The following NTN1 variants were observed in gnomAD, a reference collection of about 807,000 sequenced individuals.
The protein encoded by NTN1 is netrin 1.
A neutral mutation model predicts 54.2 loss-of-function variants in NTN1; 11 were observed. The ratio of observed to expected loss-of-function variants is 0.20; its 90% confidence interval spans 0.13 to 0.34. The LOEUF (loss-of-function observed/expected upper bound fraction) is 0.34, where lower values mean the gene tolerates loss of function less well. Among genes scored for constraint, NTN1 ranks in the 10% least tolerant of loss-of-function variants. The pLI, the probability that NTN1 is intolerant of heterozygous loss-of-function variation, is 1.00. For missense variants in NTN1, 740 were observed against 893.1 expected, an observed-to-expected ratio of 0.83 and a Z score of 2.18; for synonymous variants, 371 against 382.0, an observed-to-expected ratio of 0.97 and a Z score of 0.33.
At chr17:9,190,650 G>A (rs138111196) in intron 5 of NTN1, among the ~76,000 whole-genome samples, 3 of 151,920 alleles carry the variant, frequency 2.0e-5, no homozygotes, top group African/African-American at 4.8e-5. Flanking sequence ...CCAGGACTTC[G>A]AGACCAGCCT....
intron 2 of NTN1, among the ~76,000 whole-genome samples, chr17:9,024,368 G>A (rs1486910935): frequency 6.6e-6 from 1 of 152,250 alleles, no homozygotes; most frequent in African/African-American, 2.4e-5. Context: ...GGGAAGTAAA[G>A]CTCCAAAGCC....
chr17:9,157,309 TAGCCTGTAGCACAG>T (rs201679290), intron 2 of NTN1, among the ~76,000 whole-genome samples: 7,596 of 152,346 alleles, frequency 0.05, 254 homozygotes, highest in Middle Eastern at 0.075. Context: ...GTATCTCACA[TAGCCTGTAGCACAG>T]AGCTGGGAAC....
chr17:9,173,353 C>T (rs1424738901), intron 3 of NTN1: 2 of 152,274 alleles, frequency 1.3e-5, no homozygotes, highest in African/African-American at 4.8e-5. Context: ...TCTCCAGTGT[C>T]ACCTCTAGTG....
chr17:9,081,973 A>G (rs1415764930), intron 2 of NTN1, among the ~76,000 whole-genome samples: 1 of 152,128 alleles, frequency 6.6e-6, no homozygotes, highest in African/African-American at 2.4e-5. Flanking sequence ...TCTTGCACAA[A>G]CCTTGTCTCC....
intron 2 of NTN1, among the ~76,000 whole-genome samples, chr17:9,044,932 G>C (rs1321457251): frequency 6.6e-6 from 1 of 152,128 alleles, no homozygotes; most frequent in Non-Finnish European, 1.5e-5. Context: ...TATACACAAA[G>C]CTAGGTTAAT....
At chr17:9,193,920 T>TAAAAAAAAAAAAAAAAAAA (rs71361871) in intron 5 of NTN1, among the ~76,000 whole-genome samples, 11 of 44,898 alleles carry the variant, frequency 2.4e-4, no homozygotes, top group East Asian at 5.8e-4. Context: ...AAACTCCGAC[T>TAAAAAAAAAAAAAAAAAAA]AAAAAAAAAA....
intron 1 of NTN1, 133 bp from the exon 2 acceptor site, chr17:9,022,176 GGA>G: frequency 1.8e-6 from 1 of 549,250 alleles, no homozygotes; most frequent in Non-Finnish European, 2.7e-6. Flanking sequence ...GGACTTTGGG[GGA>G]GAGAGGCGGG....
At chr17:9,093,323 C>CA (rs1252453914) in intron 2 of NTN1, among the ~76,000 whole-genome samples, 2 of 152,160 alleles carry the variant, frequency 1.3e-5, no homozygotes, top group African/African-American at 4.8e-5. Context: ...GCTTAAGTAA[C>CA]AAATAACTTA....
chr17:9,160,610 T>C (rs999537098), intron 2 of NTN1, among the ~76,000 whole-genome samples: 5 of 151,948 alleles, frequency 3.3e-5, no homozygotes, highest in Admixed American at 6.6e-5. Context: ...GAAATAGGAG[T>C]GTGTTCCTTT....
chr17:9,120,489 T>C (rs1383639560), intron 2 of NTN1, among the ~76,000 whole-genome samples: 1 of 152,196 alleles, frequency 6.6e-6, no homozygotes, highest in African/African-American at 2.4e-5. Context: ...AATAGTCCCC[T>C]ACTTGGGGAG....
intron 5 of NTN1, among the ~76,000 whole-genome samples, chr17:9,215,285 A>ATG (rs1555577282): frequency 2.6e-5 from 4 of 151,336 alleles, no homozygotes; most frequent in Non-Finnish European, 5.9e-5. Flanking sequence ...ACACACACAC[A>ATG]CACATACACA....
intron 2 of NTN1, among the ~76,000 whole-genome samples, chr17:9,067,082 C>A (rs955072857): frequency 1.3e-5 from 2 of 150,814 alleles, no homozygotes; most frequent in African/African-American, 4.9e-5. Flanking sequence ...GCTGGGCCAA[C>A]ATGGCAAGAC....
At chr17:9,009,890 A>T in the NTN1 span, among the ~76,000 whole-genome samples, 1 of 152,336 alleles carries the variant, frequency 6.6e-6, no homozygotes, top group South Asian at 2.1e-4. Context: ...CTCTGGAAAC[A>T]GCAGCTCCTG....
intron 2 of NTN1, among the ~76,000 whole-genome samples, chr17:9,058,847 A>G (rs928343789): frequency 3.9e-5 from 6 of 152,076 alleles, no homozygotes; most frequent in African/African-American, 1.4e-4. Context: ...GAAGGGAGCC[A>G]AACATGAGAG....
chr17:9,026,609 T>C (rs770355452), intron 2 of NTN1, among the ~76,000 whole-genome samples: 1 of 152,198 alleles, frequency 6.6e-6, no homozygotes, highest in Non-Finnish European at 1.5e-5. Flanking sequence ...GCAAAATGCA[T>C]GAACAGTTGT....
chr17:9,164,774 T>C (rs1597512903), intron 3 of NTN1, among the ~76,000 whole-genome samples: 2 of 152,100 alleles, frequency 1.3e-5, no homozygotes, highest in South Asian at 4.2e-4. Context: ...AACAGAAAGG[T>C]AGCTGGGCTG....
At chr17:9,227,836 A>G (rs1221962876) in intron 6 of NTN1, among the ~76,000 whole-genome samples, 1 of 150,416 alleles carries the variant, frequency 6.6e-6, no homozygotes, top group Non-Finnish European at 1.5e-5. Context: ...CACATACCAC[A>G]CGCATTATCG....
At chr17:9,128,786 C>T (rs2092255032) in intron 2 of NTN1, among the ~76,000 whole-genome samples, 1 of 152,162 alleles carries the variant, frequency 6.6e-6, no homozygotes, top group Non-Finnish European at 1.5e-5. Context: ...CAGCGTTCAC[C>T]CAACCCGAGT....
At chr17:9,173,332 ACAT>A (rs1182363122) in intron 3 of NTN1, 3 of 152,232 alleles carry the variant, frequency 2.0e-5, no homozygotes, top group African/African-American at 7.2e-5. Flanking sequence ...TCTGTCCCTG[ACAT>A]CATCTTCTCT....
Sources: allele counts gnomAD v4.1 joint callset (sites outside exome capture counted in the v4.1 genomes callset), GRCh38; gene constraint gnomAD v4.1.1; transcripts MANE v1.5; gene names NCBI Gene and HGNC (gene_info 2026-07-23, HGNC 2026-07-21).